The following TANGO6 variants were observed in gnomAD, a reference collection of about 807,000 sequenced individuals.
TANGO6 encodes transport and Golgi organization protein 6 homolog.
Under a neutral mutation model 114.2 loss-of-function variants are expected in TANGO6, and 90 were observed. The ratio of observed to expected loss-of-function variants is 0.79; its 90% CI spans 0.66 to 0.94. The LOEUF is 0.94. Among genes scored for constraint, TANGO6 ranks in the 40% least tolerant of loss-of-function variants. The pLI is 0.00. For missense variants in TANGO6, 1,274 were observed against 1,315.3 expected, an observed-to-expected ratio of 0.97 and a Z score of 0.49; for synonymous variants, 477 against 509.8, an observed-to-expected ratio of 0.94 and a Z score of 0.87.
intron 15 of TANGO6, among the ~76,000 whole-genome samples, chr16:69,015,666 A>G (rs1177154019): frequency 6.6e-6 from 1 of 151,794 alleles, no homozygotes; most frequent in Middle Eastern, 3.2e-3. Flanking sequence ...TATTTTTAAT[A>G]GAGACCGGGT....
intron 7 of TANGO6, among the ~76,000 whole-genome samples, chr16:68,895,636 A>G (rs1012996497): frequency 1.3e-5 from 2 of 152,300 alleles, no homozygotes; most frequent in African/African-American, 4.8e-5. Flanking sequence ...GGTGCTCAAT[A>G]TTTGAATGAA....
intron 1 of TANGO6, among the ~76,000 whole-genome samples, chr16:68,845,929 C>T (rs980509024): frequency 9.2e-5 from 14 of 151,432 alleles, no homozygotes; most frequent in African/African-American, 2.9e-4. Context: ...CTTGACACAC[C>T]GGAACCCCCA....
At chr16:68,855,753 C>T (rs1284696562) in intron 1 of TANGO6, among the ~76,000 whole-genome samples, 1 of 151,646 alleles carries the variant, frequency 6.6e-6, no homozygotes. Context: ...AGCATTATTA[C>T]GGGTGCCTGT....
rs1417408478 is a variant in TANGO6 at position 68,947,523 on chromosome 16, C to A, written c.2701+17228C>A. Among the ~76,000 whole-genome samples the A allele has an allele frequency of 5.3e-5, 8 of 150,310 alleles. No individual in the cohort carries two copies. In the East Asian group the frequency reaches 1.6e-3, roughly 29 times the overall value. ...TTAAAATTAAATAATGCTTAATTAT[C>A]TAGAAAGCTTTGATTCTGTCAACAA... On this transcript the variant is annotated intron_variant, in intron 14 of 17. Transcript: ENST00000261778.
chr16:68,855,300 G>T (rs577801897), intron 1 of TANGO6, among the ~76,000 whole-genome samples: 2 of 152,044 alleles, frequency 1.3e-5, no homozygotes, highest in Non-Finnish European at 2.9e-5. Context: ...TAAAGTTTTA[G>T]GCCAGGCGTG....
rs546145596 is a variant in TANGO6 at position 68,877,192 on chromosome 16, G to A, written c.1132-926G>A. Among the ~76,000 whole-genome samples, 40 of 152,156 alleles carry A rather than the reference G, an allele frequency of 2.6e-4. No homozygotes were observed. The South Asian group carries it at 4.6e-3, about 17-fold the overall frequency. On this transcript the variant is annotated intron_variant, in intron 5 of 17. Coordinates refer to ENST00000261778, the MANE Select transcript of TANGO6 (RefSeq NM_024562.2). Reference sequence around the variant, plus strand: ...TCTGATACATGAAAAATGTGGGGCTGGGCACGGTGGCTCACGCCTGTAATC... The same window carrying A: ...TCTGATACATGAAAAATGTGGGGCTAGGCACGGTGGCTCACGCCTGTAATC...
chr16:68,926,854 C>G (rs2152195545), intron 12 of TANGO6: 1 of 152,272 alleles, frequency 6.6e-6, no homozygotes. Flanking sequence ...TCTTACTTTT[C>G]ATTGATCACA....
rs140826997 is a variant in TANGO6, at chr16:69,075,722, G to A, written c.3109-7763G>A. 9.9e-5 allele frequency among the ~76,000 whole-genome samples: 15 copies of A among 151,302 alleles called. No homozygotes were observed. In the East Asian group the frequency reaches 2.2e-3, roughly 22 times the overall value. ...TCCTGCCTTGGCCTCTCAAAGTGCC[G>A]GGATTACAGGCATAAGCCATTGCAC... On this transcript the variant is annotated intron_variant, in intron 17 of 17. Transcript: ENST00000261778.
Position 68,860,247 on chromosome 16 carries a change from T to A in TANGO6, c.458T>A (p.Val153Asp), listed in dbSNP as rs778968004. The stretch of plus-strand genomic sequence containing the variant: ...GTCCAGTTCGTTTTGCAGTTTGTAG[T>A]TACCTTGGGTATCTGCCCCTATCTC... ...KTVQFVLQFVVTLGICPYLMP... is the reference protein window; with the variant it reads ...KTVQFVLQFVDTLGICPYLMP... The change falls in exon 2 of 18, where the codon GTT becomes GAT. Residue 153 changes from valine (V) to aspartate (D), a missense_variant. Coordinates refer to ENST00000261778, the MANE Select transcript of TANGO6 (RefSeq NM_024562.2). The A allele has an allele frequency of 6.2e-7, 1 of 1,614,034 alleles. No homozygotes were observed. Among genetic ancestry groups the A allele is most frequent in the East Asian group, 2.2e-5 (1 of 44,884 alleles).
chr16:69,068,499 C>T (rs1216808706), intron 17 of TANGO6, among the ~76,000 whole-genome samples: 1 of 152,138 alleles, frequency 6.6e-6, no homozygotes, highest in Non-Finnish European at 1.5e-5. Context: ...TGGAATCATA[C>T]CTGGCATATA....
chr16:68,973,170 A>G, intron 14 of TANGO6: 1 of 455,930 alleles, frequency 2.2e-6, no homozygotes, highest in Non-Finnish European at 4.4e-6. Context: ...CAATGAGGGG[A>G]TTATTGGAGA....
At chr16:68,932,134 A>C (rs1277554072) in intron 14 of TANGO6, among the ~76,000 whole-genome samples, 1 of 152,012 alleles carries the variant, frequency 6.6e-6, no homozygotes, top group African/African-American at 2.4e-5. Flanking sequence ...CTTGTTGCCC[A>C]GACTGGAGTG....
At chr16:69,061,741 GGCGC>G (rs1440769905) in intron 17 of TANGO6, among the ~76,000 whole-genome samples, 1 of 150,846 alleles carries the variant, frequency 6.6e-6, no homozygotes, top group Admixed American at 6.6e-5. Flanking sequence ...TTTCCGGCCG[GGCGC>G]GCGGTGGCTC....
At chr16:68,858,307 TC>T (rs1406368454) in intron 1 of TANGO6, among the ~76,000 whole-genome samples, 3 of 152,130 alleles carry the variant, frequency 2.0e-5, no homozygotes, top group African/African-American at 7.2e-5. Flanking sequence ...CAAGTGTTCC[TC>T]CCACCTCAGC....
At chr16:69,039,280 A>C in intron 16 of TANGO6, among the ~76,000 whole-genome samples, 1 of 150,914 alleles carries the variant, frequency 6.6e-6, no homozygotes, top group Non-Finnish European at 1.5e-5. Context: ...GTGAGCTGAC[A>C]TTGCACCACT....
chr16:69,053,972 G>C (rs558103708), intron 17 of TANGO6, among the ~76,000 whole-genome samples: 7 of 152,158 alleles, frequency 4.6e-5, no homozygotes, highest in African/African-American at 9.7e-5. Context: ...GGCTGAGGTA[G>C]GAGAATCGCT....
chr16:68,931,257 C>A (rs1963235490), intron 14 of TANGO6, among the ~76,000 whole-genome samples: 1 of 152,144 alleles, frequency 6.6e-6, no homozygotes, highest in Admixed American at 6.5e-5. Context: ...ATTACTTAAT[C>A]CCTGTGGGCT....
chr16:69,036,394 T>A (rs939798425), intron 16 of TANGO6, among the ~76,000 whole-genome samples: 2 of 152,202 alleles, frequency 1.3e-5, no homozygotes, highest in African/African-American at 4.8e-5. Context: ...AAAATTCCGA[T>A]GCTCAGAAAG....
intron 17 of TANGO6, among the ~76,000 whole-genome samples, chr16:69,068,414 A>G (rs1279406480): frequency 1.3e-5 from 2 of 152,170 alleles, no homozygotes; most frequent in South Asian, 4.1e-4. Context: ...TCTACCCATT[A>G]CTAGCTGTGT....
Sources: allele counts gnomAD v4.1 joint callset (sites outside exome capture counted in the v4.1 genomes callset), GRCh38; gene constraint gnomAD v4.1.1; transcripts MANE v1.5; gene names NCBI Gene and HGNC (gene_info 2026-07-23, HGNC 2026-07-21).